CHD8: variants seen among roughly 807,000 people sequenced by gnomAD.
CHD8 encodes ATP-dependent chromatin remodeler CHD8.
Under a neutral mutation model 279.2 loss-of-function variants are expected in CHD8, and 31 were observed. The ratio of observed to expected loss-of-function variants is 0.11; its 90% CI spans 0.08 to 0.15. CHD8 has a LOEUF of 0.15. CHD8 is among the 10% of genes least tolerant of loss of function. CHD8 has a pLI of 1.00. For synonymous variants in CHD8, 1,081 were observed against 1,139.6 expected, an observed-to-expected ratio of 0.95 and a Z score of 1.04; for missense variants, 2,146 against 3,230.5, an observed-to-expected ratio of 0.66 and a Z score of 8.14.
At chr14:21,437,083 C>T (rs1338441225) in intron 1 of CHD8, 1 of 821,118 alleles carries the variant, frequency 1.2e-6, no homozygotes, top group South Asian at 1.4e-5. Flanking sequence ...GGTGTGGATG[C>T]CCGGGATAGG....
At chr14:21,452,046 TTTG>T (rs935024164) in intron 1 of CHD8, among the ~76,000 whole-genome samples, 2 of 152,076 alleles carry the variant, frequency 1.3e-5, no homozygotes, top group Non-Finnish European at 2.9e-5. Flanking sequence ...CAGTAAATGT[TTTG>T]TTGTTGTTTT....
rs1370869461 is a variant in CHD8 at position 21,403,849 on chromosome 14, A to G, written c.3308-186T>C. ...TACGGTGGCTCATGCCTGTAATCCC[A>G]ACACTTTGGGAGGCCGAGGCAGGTG... On this transcript the variant is annotated intron_variant, in intron 16 of 37. Coordinates refer to ENST00000646647, the MANE Select transcript of CHD8 (RefSeq NM_001170629.2). The surrounding 1 kb of genome is among the most constrained non-coding windows in gnomAD (Gnocchi z 4.3). Among the ~76,000 whole-genome samples the G allele has an allele frequency of 2.0e-5, 3 of 152,220 alleles. No individual in the cohort carries two copies. Among genetic ancestry groups the G allele is most frequent in the African/African-American group, 7.2e-5 (3 of 41,466 alleles).
chr14:21,437,070 G>C (rs1889815021), intron 1 of CHD8: 2 of 723,202 alleles, frequency 2.8e-6, no homozygotes, highest in East Asian at 6.6e-5. Context: ...GCGGGGGGTG[G>C]GGGGTGTGGA....
intron 13 of CHD8, among the ~76,000 whole-genome samples, chr14:21,407,945 G>A (rs765273226): frequency 1.1e-4 from 16 of 152,108 alleles, no homozygotes; most frequent in Non-Finnish European, 2.1e-4. Context: ...GAAAATTTCC[G>A]TAGACTAAAA....
In CHD8 at chr14:21,446,317, C is replaced by CTTTTT. The variant is rs71112587; in HGVS notation, c.-216+9710_-216+9714dup. Reference sequence around the variant, plus strand: ...TAACATACTTAATTTTCTTCTTCTTCTTTTTTTTTTTTTTTTGAGACAGGG... The same window carrying CTTTTT: ...TAACATACTTAATTTTCTTCTTCTTCTTTTTTTTTTTTTTTTTTTTTGAGACAGGG... On this transcript the variant is annotated intron_variant, in intron 1 of 37. Coordinates refer to ENST00000646647, the MANE Select transcript of CHD8 (RefSeq NM_001170629.2). Among the ~76,000 whole-genome samples, 8 of 137,530 alleles carry CTTTTT rather than the reference C, an allele frequency of 5.8e-5. No homozygotes were observed. The East Asian group carries it at 1.2e-3, about 21-fold the overall frequency. The allele number at this position is 137,530 out of a possible 152,430, so 90.2% of individuals were successfully genotyped here.
chr14:21,415,148 A>G, intron 7 of CHD8, 155 bp from the exon 8 acceptor site: 1 of 604,336 alleles, frequency 1.7e-6, no homozygotes. Context: ...TCAATAATAG[A>G]GGCCTGATAG....
chr14:21,411,264 CACAA>C (rs920357666), intron 10 of CHD8, among the ~76,000 whole-genome samples: 5 of 152,172 alleles, frequency 3.3e-5, no homozygotes, highest in African/African-American at 9.7e-5. Flanking sequence ...ATTCAACTCA[CACAA>C]ACAAACACAC....
At position 21,408,170 on chromosome 14, in the gene CHD8, A is replaced by G. The variant is rs1013693257; in HGVS notation, c.2730+142T>C. The G allele has an allele frequency of 5.1e-6, 5 of 989,390 alleles. No homozygotes were observed. The highest frequency in any genetic ancestry group is 1.6e-5 in the African/African-American group (1 of 61,768). The allele number at this position is 989,390 out of a possible 1,614,324, so 61.3% of individuals were successfully genotyped here. On this transcript the variant is annotated intron_variant, in intron 13 of 37. Transcript: ENST00000646647. The surrounding 1 kb of genome is among the most constrained non-coding windows in gnomAD (Gnocchi z 4.3). ...AATGCCCTGCACACTGCTATACAAA[A>G]ATGCCTTAAACCATAGGCATTTTTG...
intron 37 of CHD8, among the ~76,000 whole-genome samples, chr14:21,386,650 A>C (rs1380382968): frequency 6.6e-6 from 1 of 152,082 alleles, no homozygotes; most frequent in African/African-American, 2.4e-5. Flanking sequence ...ATCCTGGCTA[A>C]CACGGTGAAA....
intron 1 of CHD8, among the ~76,000 whole-genome samples, chr14:21,447,381 T>G (rs1163143728): frequency 6.6e-6 from 1 of 151,916 alleles, no homozygotes; most frequent in Non-Finnish European, 1.5e-5. Flanking sequence ...CCCTTTTTTT[T>G]TTTTTTTTGA....
chr14:21,417,869 TATATATATATATA>T (rs1566435629), intron 5 of CHD8, among the ~76,000 whole-genome samples: 4 of 137,836 alleles, frequency 2.9e-5, no homozygotes, highest in African/African-American at 5.5e-5. Context: ...AAAAAAAATA[TATATATATATATA>T]ATATATATAT....
chr14:21,448,453 A>T (rs1006950371), intron 1 of CHD8, among the ~76,000 whole-genome samples: 1 of 152,212 alleles, frequency 6.6e-6, no homozygotes, highest in African/African-American at 2.4e-5. Context: ...TAAATCTTAC[A>T]TTCTCAAGGT....
intron 5 of CHD8, 83 bp from the exon 6 acceptor site, chr14:21,415,990 CT>C: frequency 1.7e-6 from 2 of 1,154,136 alleles, no homozygotes; most frequent in Non-Finnish European, 2.5e-6. Context: ...TGGTCATATA[CT>C]TAGATTCTAC....
At chr14:21,387,355 G>A (rs1887298452) in intron 37 of CHD8, among the ~76,000 whole-genome samples, 1 of 152,102 alleles carries the variant, frequency 6.6e-6, no homozygotes, top group Non-Finnish European at 1.5e-5. Context: ...GAGTCAGCCA[G>A]GCGTGGTGGC....
chr14:21,386,066 G>T lies in CHD8; in HGVS notation c.7293C>A (p.Ala2431=). The change falls in exon 38 of 38, where the codon GCC becomes GCA. Residue 2431 remains alanine, a synonymous_variant. Coordinates refer to ENST00000646647, the MANE Select transcript of CHD8 (RefSeq NM_001170629.2). ...RMRPDLSKMM[A]LMQGGSTGSL... ...ACCCAGTGCTTCCACCCTGCATGAG[G>T]GCCATCATCTTAGAAAGGTCTGGTC... 1 of 1,586,900 alleles carries T rather than the reference G, an allele frequency of 6.3e-7. No homozygotes were observed. The highest frequency in any genetic ancestry group is 8.6e-7 in the Non-Finnish European group (1 of 1,166,058).
Position 21,391,965 on chromosome 14 carries a change from C to CA in CHD8, c.6772-20dup. On this transcript the variant is annotated intron_variant, in intron 34 of 37. Coordinates refer to ENST00000646647, the MANE Select transcript of CHD8 (RefSeq NM_001170629.2). ...CTTCCTCCTAGGAAGACAACCCACC[C>CA]ACCCAAGACATCATATGGTACATGT... 1 of 1,510,658 alleles carries CA rather than the reference C, an allele frequency of 6.6e-7. No individual in the cohort carries two copies. The highest frequency in any genetic ancestry group is 9.2e-7 in the Non-Finnish European group (1 of 1,085,970). 93.6% of individuals were successfully genotyped at this position (1,510,658 alleles called of 1,614,324 possible). A position where few individuals can be genotyped will look rare whatever the true frequency, so the allele number is the denominator to read the frequency against.
chr14:21,399,538 A>G (rs928370540), intron 26 of CHD8, 64 bp downstream of exon 26: 2 of 1,182,188 alleles, frequency 1.7e-6, no homozygotes, highest in African/African-American at 3.0e-5. Flanking sequence ...GCATTTTGCT[A>G]AATGTTCCAT....
intron 1 of CHD8, among the ~76,000 whole-genome samples, chr14:21,449,035 G>A (rs967788214): frequency 1.3e-4 from 20 of 151,998 alleles, no homozygotes; most frequent in African/African-American, 4.6e-4. Flanking sequence ...TTAGCCGGGC[G>A]TGGTGGCGGG....
Position 21,402,965 on chromosome 14 carries a change from G to GA in CHD8, c.3714+51dup. The GA allele has an allele frequency of 6.8e-7, 1 of 1,460,230 alleles. No individual in the cohort carries two copies. Among genetic ancestry groups the GA allele is most frequent in the South Asian group, 1.2e-5 (1 of 81,444 alleles). The allele number at this position is 1,460,230 out of a possible 1,614,324, so 90.5% of individuals were successfully genotyped here. ...CTTTCTAAAAGATCCTATTCTTGTT[G>GA]AAAAATCTCCCAAGTTAGGTAGTTA... On this transcript the variant is annotated intron_variant, in intron 18 of 37. Coordinates refer to ENST00000646647, the MANE Select transcript of CHD8 (RefSeq NM_001170629.2). The surrounding 1 kb of genome is among the most constrained non-coding windows in gnomAD (Gnocchi z 4.5).
Sources: allele counts gnomAD v4.1 joint callset (sites outside exome capture counted in the v4.1 genomes callset), GRCh38; gene constraint gnomAD v4.1.1; non-coding constraint Gnocchi (gnomAD v3.1); transcripts MANE v1.5; gene names NCBI Gene and HGNC (gene_info 2026-07-23, HGNC 2026-07-21).